The following BFSP1 variants were observed in gnomAD, a reference collection of about 807,000 sequenced individuals.
The protein encoded by BFSP1 is beaded filament structural protein 1, also known as filensin.
In BFSP1, 38 loss-of-function variants were observed where a neutral mutation model predicts 43.9. The ratio of observed to expected loss-of-function variants is 0.87; its 90% CI spans 0.67 to 1.14. BFSP1 has a LOEUF of 1.14. BFSP1 is among the 50% of genes most tolerant of loss of function. BFSP1 has a pLI of 0.00. For synonymous variants in BFSP1, 352 were observed against 354.8 expected, an observed-to-expected ratio of 0.99 and a Z score of 0.09; for missense variants, 850 against 875.1, an observed-to-expected ratio of 0.97 and a Z score of 0.36.
At chr20:17,550,258 A>T (rs1415016429) in intron 1 of BFSP1, among the ~76,000 whole-genome samples, 1 of 152,188 alleles carries the variant, frequency 6.6e-6, no homozygotes. Flanking sequence ...TTAGTTACAG[A>T]GTAGGGTGTC....
intron 4 of BFSP1, 151 bp from the exon 5 acceptor site, chr20:17,509,147 GACCT>G: frequency 1.8e-6 from 1 of 542,380 alleles, no homozygotes; most frequent in Non-Finnish European, 2.9e-6. Context: ...GGTTTTAGGA[GACCT>G]TTGGAAGGTG....
chr20:17,538,504 C>T (rs1362640680), intron 1 of BFSP1, among the ~76,000 whole-genome samples: 5 of 152,094 alleles, frequency 3.3e-5, no homozygotes, highest in East Asian at 1.9e-4. Flanking sequence ...AGCAAGAAAA[C>T]GCAAAAATCT....
intron 1 of BFSP1, chr20:17,541,186 G>A: frequency 1.1e-6 from 1 of 887,008 alleles, no homozygotes; most frequent in Non-Finnish European, 1.3e-6. Flanking sequence ...GGGCAACATA[G>A]TGAGACCCTG....
intron 1 of BFSP1, among the ~76,000 whole-genome samples, chr20:17,564,773 G>A (rs1295534748): frequency 2.0e-5 from 3 of 152,080 alleles, no homozygotes; most frequent in African/African-American, 7.2e-5. Context: ...ATTTTTAGTA[G>A]AGACGGGGTT....
chr20:17,568,565 G>T (rs1395358963), intron 1 of BFSP1, among the ~76,000 whole-genome samples: 1 of 152,102 alleles, frequency 6.6e-6, no homozygotes, highest in South Asian at 2.1e-4. Context: ...TAGAAGCAGT[G>T]AGGGAACCTT....
At position 17,497,038 on chromosome 20, in the gene BFSP1, C is replaced by T; in HGVS notation, c.957-15G>A. 6.6e-7 allele frequency: 1 copy of T among 1,519,098 alleles called. No individual in the cohort carries two copies. 94.1% of individuals were successfully genotyped at this position (1,519,098 alleles called of 1,614,324 possible). On this transcript the variant is annotated splice_polypyrimidine_tract_variant and intron_variant, in intron 6 of 7. Coordinates refer to ENST00000377873, the MANE Select transcript of BFSP1 (RefSeq NM_001195.5). ...CAGAGGTCAGCCTGGCAGAAAGAAC[C>T]AGAAAGAACAAGCCAAACAGAGGTC...
intron 7 of BFSP1, 148 bp from the exon 8 acceptor site, chr20:17,495,177 A>G (rs2033602842): frequency 1.2e-5 from 10 of 805,410 alleles, no homozygotes; most frequent in Non-Finnish European, 1.9e-5. Context: ...GAAGCAATGG[A>G]AGAAAGGCCC....
chr20:17,505,466 C>A (rs577556599), intron 5 of BFSP1, among the ~76,000 whole-genome samples: 142 of 152,336 alleles, frequency 9.3e-4, no homozygotes, highest in Admixed American at 3.8e-3. Flanking sequence ...ACGCCCTAAC[C>A]ATAGGCGGAA....
chr20:17,499,930 G>GA lies in BFSP1; in HGVS notation c.736-891dup, dbSNP rs543290962. ...AGCAAGACTCTGTCTAAAAGAAAAAGAAAAAAAACTTGCTATCGGTGGAAT... is the reference window on the plus strand; with the variant it reads ...AGCAAGACTCTGTCTAAAAGAAAAAGAAAAAAAAACTTGCTATCGGTGGAAT... On this transcript the variant is annotated intron_variant, in intron 5 of 7. Transcript: ENST00000377873. Among the ~76,000 whole-genome samples, 216 of 151,606 alleles carry GA rather than the reference G, an allele frequency of 1.4e-3. 1 individual carries two copies. The highest frequency in any genetic ancestry group is 1.9e-3 in the Non-Finnish European group (131 of 67,832).
chr20:17,567,464 A>G (rs1316610872), intron 1 of BFSP1, among the ~76,000 whole-genome samples: 3 of 152,160 alleles, frequency 2.0e-5, no homozygotes, highest in African/African-American at 7.2e-5. Flanking sequence ...CTCCTAACTC[A>G]AAGTATAGCA....
At chr20:17,556,948 C>T (rs560709235) in intron 1 of BFSP1, among the ~76,000 whole-genome samples, 1 of 152,246 alleles carries the variant, frequency 6.6e-6, no homozygotes, top group African/African-American at 2.4e-5. Context: ...GTTTGGCTCA[C>T]AGCAGAATGA....
At chr20:17,557,271 A>G (rs182717941) in intron 1 of BFSP1, among the ~76,000 whole-genome samples, 3 of 152,352 alleles carry the variant, frequency 2.0e-5, no homozygotes, top group Non-Finnish European at 2.9e-5. Context: ...TGGCCCTCGC[A>G]GTTTCTCTTT....
At chr20:17,559,044 GAA>G (rs549727020), upstream of BFSP1, 57 of 185,096 alleles carry the variant, frequency 3.1e-4, no homozygotes, top group East Asian at 6.0e-4. Flanking sequence ...GAAGAGTAAA[GAA>G]AAAAAAAAAA....
chr20:17,514,637 G>C (rs1443206663), intron 3 of BFSP1, 84 bp downstream of exon 3: 2 of 1,372,070 alleles, frequency 1.5e-6, no homozygotes. Context: ...CTAGCAGTCT[G>C]TTTTCAGCCA....
intron 1 of BFSP1, among the ~76,000 whole-genome samples, chr20:17,536,750 G>A (rs932429176): frequency 6.6e-6 from 1 of 152,208 alleles, no homozygotes; most frequent in African/African-American, 2.4e-5. Context: ...AAAAGGTAAT[G>A]GAGGTAATCA....
Position 17,553,860 on chromosome 20 carries a change from CACATATATATACAT to C in BFSP1, c.2+4814_2+4827del, listed in dbSNP as rs1568718175. On this transcript the variant is annotated intron_variant, in intron 1 of 7. Coordinates refer to the BFSP1 transcript ENST00000377868. ...ATACACATATATATACATATATATA[CACATATATATACAT>C]ATATATATATACACACATATATATT... 9.7e-5 allele frequency among the ~76,000 whole-genome samples: 7 copies of C among 72,420 alleles called. 1 individual carries two copies. The highest frequency in any genetic ancestry group is 4.4e-4 in the African/African-American group (5 of 11,450). 47.5% of individuals were successfully genotyped at this position (72,420 alleles called of 152,430 possible). A position where few individuals can be genotyped will look rare whatever the true frequency, so the allele number is the denominator to read the frequency against.
At chr20:17,502,175 G>GA (rs112957298) in intron 5 of BFSP1, among the ~76,000 whole-genome samples, 31,082 of 148,316 alleles carry the variant, frequency 0.21, 3,558 homozygotes, top group Middle Eastern at 0.28. Flanking sequence ...CTGCTCCTTT[G>GA]GAAAAAAAAA....
At position 17,531,341 on chromosome 20, in the gene BFSP1, C is replaced by G; in HGVS notation, c.-12G>C. On this transcript the variant is annotated 5_prime_UTR_variant, in exon 1 of 8. Transcript: ENST00000377873. The stretch of plus-strand genomic sequence containing the variant: ...CTGCGCCGGTACATGGCTGCTCTGG[C>G]GCGGGCGCGCGGGCGGCGCCGAGCC... The G allele has an allele frequency of 1.5e-6, 2 of 1,374,662 alleles. No individual in the cohort carries two copies. Among genetic ancestry groups the G allele is most frequent in the Non-Finnish European group, 1.9e-6 (2 of 1,070,142 alleles). The allele number at this position is 1,374,662 out of a possible 1,614,324, so 85.2% of individuals were successfully genotyped here.
At position 17,564,582 on chromosome 20, in the gene BFSP1, C is replaced by T. The variant is rs527361862; in HGVS notation, n.51-1487G>A. On this transcript the variant is annotated intron_variant and non_coding_transcript_variant, in intron 1 of 6. Transcript: ENST00000473415. ...CCACTTCTTTGATTCATTTAAACTA[C>T]TACTTCTTCTTCTTCTTTTTTTTTG... 1.3e-3 allele frequency among the ~76,000 whole-genome samples: 202 copies of T among 151,968 alleles called. 1 individual carries two copies. Among genetic ancestry groups the T allele is most frequent in the Non-Finnish European group, 1.5e-3 (100 of 68,018 alleles).
Sources: allele counts gnomAD v4.1 joint callset (sites outside exome capture counted in the v4.1 genomes callset), GRCh38; gene constraint gnomAD v4.1.1; transcripts MANE v1.5; gene names NCBI Gene and HGNC (gene_info 2026-07-23, HGNC 2026-07-21).